The following F11 variants were observed in gnomAD, a reference collection of about 807,000 sequenced individuals.
The protein encoded by F11 is coagulation factor XI.
In F11, 78 loss-of-function variants were observed where a neutral mutation model predicts 76.5. The observed-to-expected ratio is 1.02, with a 90% CI of 0.85 to 1.23. F11 has a LOEUF of 1.23. Among genes scored for constraint, F11 ranks in the 50% most tolerant of loss-of-function variants. F11 has a pLI of 0.00. For synonymous variants in F11, 278 were observed against 276.3 expected, an observed-to-expected ratio of 1.01 and a Z score of -0.06; for missense variants, 742 against 771.4, an observed-to-expected ratio of 0.96 and a Z score of 0.45.
chr4:186,271,346 A>G (rs1341332906), intron 2 of F11, among the ~76,000 whole-genome samples: 5 of 152,176 alleles, frequency 3.3e-5, no homozygotes, highest in Admixed American at 2.6e-4. Context: ...TGATTCAATT[A>G]CCCTCAAAGC....
intron 4 of F11, among the ~76,000 whole-genome samples, chr4:186,273,457 G>T (rs1740134500): frequency 6.6e-6 from 1 of 151,718 alleles, no homozygotes. Context: ...TTAAATGAAA[G>T]TCTTTTTTTT....
At chr4:186,276,551 A>G (rs1381911029) in intron 7 of F11, among the ~76,000 whole-genome samples, 161 bp downstream of exon 7, 1 of 141,268 alleles carries the variant, frequency 7.1e-6, no homozygotes, top group African/African-American at 2.7e-5. Context: ...TTCCCCACCT[A>G]CTTACCACAA....
Position 186,288,587 on chromosome 4 carries a change from G to C in F11, c.1851G>C (p.Trp617Cys). Residue 617 changes from tryptophan to cysteine, a missense_variant, in exon 15 of 15, where the codon TGG (tryptophan) becomes TGC (cysteine). Physicochemically the swap from Trp to Cys is radical, Grantham distance 215 (BLOSUM62 -2). Transcript: ENST00000403665. ...CCAACGTGGTCGAGTACGTGGACTG[G>C]ATTCTGGAGAAAACTCAAGCAGTGT... The part of the protein sequence containing the change: ...VYTNVVEYVD[W>C]ILEKTQAV 2 of 1,614,174 alleles carry C rather than the reference G, an allele frequency of 1.2e-6. No individual in the cohort carries two copies. Among genetic ancestry groups the C allele is most frequent in the Non-Finnish European group, 1.7e-6 (2 of 1,180,038 alleles).
intron 10 of F11, 45 bp downstream of exon 10, chr4:186,280,625 C>A: frequency 1.5e-6 from 2 of 1,373,026 alleles, no homozygotes; most frequent in South Asian, 2.4e-5. Flanking sequence ...AGGAATTATT[C>A]CATGCTTCAT....
Position 186,289,381 on chromosome 4 carries a change from A to G in F11, c.*767A>G, listed in dbSNP as rs1580111722. On this transcript the variant is annotated 3_prime_UTR_variant, in exon 15 of 15. Coordinates refer to ENST00000403665, the MANE Select transcript of F11 (RefSeq NM_000128.4). ...TGATGGAGATAGGGAGCATGCTCAA[A>G]CCTCCCTAAGACAAGCTGCTGCTGT... Among the ~76,000 whole-genome samples, 1 of 152,224 alleles carries G rather than the reference A, an allele frequency of 6.6e-6. No homozygotes were observed. Among genetic ancestry groups the G allele is most frequent in the South Asian group, 2.1e-4 (1 of 4,812 alleles).
intron 7 of F11, among the ~76,000 whole-genome samples, chr4:186,278,178 G>C (rs1740522308): frequency 6.6e-6 from 1 of 152,190 alleles, no homozygotes; most frequent in Non-Finnish European, 1.5e-5. Flanking sequence ...AACCTGGCTT[G>C]TATATATCTC....
At position 186,289,629 on chromosome 4, in the gene F11, G is replaced by T. The variant is rs941609026; in HGVS notation, c.*1015G>T. On this transcript the variant is annotated 3_prime_UTR_variant, in exon 15 of 15. Transcript: ENST00000403665. ...AGTTCAATAACCTAGAATTTGAATT[G>T]TCACCACATAGCTTTCAATCTGTGC... 1.3e-5 allele frequency among the ~76,000 whole-genome samples: 2 copies of T among 151,106 alleles called. No homozygotes were observed. The highest frequency in any genetic ancestry group is 4.9e-5 in the African/African-American group (2 of 41,166).
At chr4:186,284,401 CG>C in intron 11 of F11, 141 bp downstream of exon 11, 5 of 891,986 alleles carry the variant, frequency 5.6e-6, no homozygotes, top group Non-Finnish European at 8.7e-6. Flanking sequence ...TGGTAAAAAA[CG>C]CAAAAAGGAA....
intron 10 of F11, chr4:186,282,249 G>A: frequency 3.0e-6 from 3 of 985,196 alleles, no homozygotes; most frequent in Non-Finnish European, 3.6e-6. Context: ...TATAGACTCT[G>A]GCCTGTAGAA....
In F11 at chr4:186,287,778, G is replaced by A; in HGVS notation, c.1671G>A (p.Lys557=). The part of the protein sequence containing the change: ...KRYRGHKITH[K]MICAGYREGG... ...ACAGAGGACATAAAATAACCCATAAGATGATCTGTGCCGGCTACAGGGAAG... is the reference window on the plus strand; with the variant it reads ...ACAGAGGACATAAAATAACCCATAAAATGATCTGTGCCGGCTACAGGGAAG... The change falls in exon 14 of 15, where the codon AAG becomes AAA. Residue 557 remains lysine (K), a synonymous_variant. Coordinates refer to ENST00000403665, the MANE Select transcript of F11 (RefSeq NM_000128.4). The A allele has an allele frequency of 6.2e-7, 1 of 1,613,556 alleles. No homozygotes were observed. Among genetic ancestry groups the A allele is most frequent in the Non-Finnish European group, 8.5e-7 (1 of 1,179,742 alleles).
intron 12 of F11, 110 bp from the exon 13 acceptor site, chr4:186,286,305 A>C: frequency 9.2e-7 from 1 of 1,081,176 alleles, no homozygotes; most frequent in South Asian, 1.3e-5. Context: ...GCAAAAAATG[A>C]ATATAGTAAA....
At chr4:186,288,420 C>A (rs1236751191) in intron 14 of F11, 33 bp from the exon 15 acceptor site, 2 of 1,613,822 alleles carry the variant, frequency 1.2e-6, no homozygotes, top group Non-Finnish European at 1.7e-6. Context: ...CTGAGTTGAT[C>A]TGTGCACCTT....
chr4:186,273,041 T>G, intron 3 of F11, 30 bp from the exon 4 acceptor site: 1 of 1,387,348 alleles, frequency 7.2e-7, no homozygotes, highest in Non-Finnish European at 1.0e-6. Context: ...TAAATTCCTA[T>G]TCATTAATAT....
intron 10 of F11, 73 bp from the exon 11 acceptor site, chr4:186,284,018 TG>T (rs1740983907): frequency 1.9e-6 from 3 of 1,611,344 alleles, no homozygotes; most frequent in Non-Finnish European, 2.5e-6. Flanking sequence ...GTTTTCTTCT[TG>T]TTCCTGAAGG....
rs574303121 is a variant in F11 at position 186,273,881 on chromosome 4, A to G, written c.326-235A>G. Reference sequence around the variant, plus strand: ...AGTGCAGTTAGGGAGAAGAGAGGCTAGGTCAGAAAATCAAAATGTGAATTT... The same window carrying G: ...AGTGCAGTTAGGGAGAAGAGAGGCTGGGTCAGAAAATCAAAATGTGAATTT... On this transcript the variant is annotated intron_variant, in intron 4 of 14. Coordinates refer to ENST00000403665, the MANE Select transcript of F11 (RefSeq NM_000128.4). Among the ~76,000 whole-genome samples the G allele has an allele frequency of 3.9e-5, 6 of 152,352 alleles. No homozygotes were observed. The East Asian group carries it at 7.7e-4, about 20-fold the overall frequency.
intron 11 of F11, among the ~76,000 whole-genome samples, chr4:186,284,833 C>T (rs1025013706): frequency 3.3e-5 from 5 of 152,044 alleles, no homozygotes; most frequent in Admixed American, 6.6e-5. Context: ...GCCTGTAGCA[C>T]CAGCTGCTCA....
chr4:186,286,366 G>A, intron 12 of F11, 49 bp from the exon 13 acceptor site: 1 of 1,420,748 alleles, frequency 7.0e-7, no homozygotes, highest in Non-Finnish European at 9.9e-7. Context: ...TTCTGGAAAA[G>A]AGGATATATT....
At chr4:186,283,966 T>G in intron 10 of F11, 126 bp from the exon 11 acceptor site, 1 of 1,469,996 alleles carries the variant, frequency 6.8e-7, no homozygotes. Context: ...TTATAAAGTC[T>G]CTGTAACTCA....
intron 5 of F11, 45 bp downstream of exon 5, chr4:186,274,320 T>A: frequency 1.2e-6 from 2 of 1,613,410 alleles, no homozygotes; most frequent in South Asian, 1.1e-5. Flanking sequence ...AAAAACAGAA[T>A]CGTGATTTAC....
Sources: gnomAD v4.1 joint callset for allele counts (sites outside exome capture counted in the v4.1 genomes callset) on GRCh38, gnomAD v4.1.1 for gene constraint, MANE v1.5 for transcripts, NCBI Gene and HGNC (gene_info 2026-07-23, HGNC 2026-07-21) for gene names.